The following NCKAP5 variants were observed in gnomAD, a reference collection of about 807,000 sequenced individuals.
NCKAP5 encodes nck-associated protein 5.
A neutral mutation model predicts 167.0 loss-of-function variants in NCKAP5; 92 were observed. The observed-to-expected ratio is 0.55, with a 90% CI of 0.47 to 0.66. The LOEUF (loss-of-function observed/expected upper bound fraction) is 0.66. Among genes scored for constraint, NCKAP5 ranks in the 30% least tolerant of loss-of-function variants. The pLI is 0.00. For synonymous variants in NCKAP5, 891 were observed against 877.4 expected (o/e 1.02, Z -0.27); for missense variants, 2,378 against 2,315.0 (o/e 1.03, Z -0.56).
chr2:133,515,706 C>G (rs1683923669), intron 3 of NCKAP5, among the ~76,000 whole-genome samples: 1 of 152,234 alleles, frequency 6.6e-6, no homozygotes, highest in Non-Finnish European at 1.5e-5. Context: ...TTCAAGCTAT[C>G]TTTAGGCAAA....
At chr2:132,956,540 C>T (rs4954010) in intron 8 of NCKAP5, among the ~76,000 whole-genome samples, 9,473 of 152,280 alleles carry the variant, frequency 0.062, 775 homozygotes, top group Admixed American at 0.23. Context: ...TCTCCCGCAT[C>T]ATCGATTTCG....
rs904830874 is a variant in NCKAP5 at position 133,000,915 on chromosome 2, C to G, written c.342-6676G>C. On this transcript the variant is annotated intron_variant, in intron 6 of 19. Coordinates refer to ENST00000409261, the MANE Select transcript of NCKAP5 (RefSeq NM_207363.3). ...TGTATGATTTCATTTATACAAAGTTCTAGTATAGGCAAAATTAGTCTATGG... is the reference window on the plus strand; with the variant it reads ...TGTATGATTTCATTTATACAAAGTTGTAGTATAGGCAAAATTAGTCTATGG... 9.9e-5 allele frequency among the ~76,000 whole-genome samples: 15 copies of G among 152,188 alleles called. 1 individual carries two copies. The highest frequency in any genetic ancestry group is 3.6e-4 in the African/African-American group (15 of 41,528).
chr2:133,071,438 C>T (rs964682862), intron 6 of NCKAP5, among the ~76,000 whole-genome samples: 4 of 152,162 alleles, frequency 2.6e-5, no homozygotes, highest in Admixed American at 6.5e-5. Context: ...GAGCGAGACT[C>T]CGTCTCAAAA....
intron 3 of NCKAP5, among the ~76,000 whole-genome samples, chr2:133,376,522 C>T (rs1686155687): frequency 6.6e-6 from 1 of 152,160 alleles, no homozygotes; most frequent in South Asian, 2.1e-4. Context: ...TCTTTATCAA[C>T]TTTCACTGAG....
At chr2:133,446,421 CT>C (rs1273160559) in intron 3 of NCKAP5, among the ~76,000 whole-genome samples, 5 of 152,206 alleles carry the variant, frequency 3.3e-5, no homozygotes, top group African/African-American at 1.2e-4. Context: ...TTGCTAAGCC[CT>C]TTTCGTGTAA....
intron 8 of NCKAP5, among the ~76,000 whole-genome samples, chr2:132,948,263 G>A (rs975073870): frequency 1.3e-5 from 2 of 152,120 alleles, no homozygotes; most frequent in African/African-American, 4.8e-5. Context: ...TTTATGAATG[G>A]CTGGTTAGGG....
At chr2:133,515,528 C>T (rs1424288993) in intron 3 of NCKAP5, among the ~76,000 whole-genome samples, 1 of 152,096 alleles carries the variant, frequency 6.6e-6, no homozygotes, top group Non-Finnish European at 1.5e-5. Flanking sequence ...TCAGGTGGTG[C>T]CAAACAAGTT....
chr2:133,624,379 T>G, the NCKAP5 span, among the ~76,000 whole-genome samples: 1 of 152,094 alleles, frequency 6.6e-6, no homozygotes, highest in Non-Finnish European at 1.5e-5. Context: ...TCCTCACGTC[T>G]CATCTCTTAG....
intron 2 of NCKAP5, among the ~76,000 whole-genome samples, chr2:133,555,951 G>T (rs1687710683): frequency 6.6e-6 from 1 of 152,148 alleles, no homozygotes; most frequent in Admixed American, 6.5e-5. Context: ...TGTGCATAAA[G>T]TTATAATTAA....
the NCKAP5 span, among the ~76,000 whole-genome samples, chr2:133,599,092 G>T: frequency 6.6e-6 from 1 of 152,152 alleles, no homozygotes; most frequent in African/African-American, 2.4e-5. Flanking sequence ...AGTGGATTAG[G>T]GTTCACCCTA....
intron 13 of NCKAP5, among the ~76,000 whole-genome samples, chr2:132,787,410 G>T (rs562556791): frequency 1.3e-5 from 2 of 151,712 alleles, no homozygotes; most frequent in Non-Finnish European, 2.9e-5. Flanking sequence ...AAGGCTCTGG[G>T]TTTCAGAAAT....
chr2:132,822,467 G>T (rs1443264794), intron 11 of NCKAP5, among the ~76,000 whole-genome samples: 1 of 152,168 alleles, frequency 6.6e-6, no homozygotes, highest in Non-Finnish European at 1.5e-5. Flanking sequence ...AACAGTCACT[G>T]CAGTCCAGCT....
At chr2:132,839,197 T>A (rs1406021435) in intron 11 of NCKAP5, among the ~76,000 whole-genome samples, 1 of 152,194 alleles carries the variant, frequency 6.6e-6, no homozygotes, top group Non-Finnish European at 1.5e-5. Context: ...AAAGTTTTAA[T>A]TTTTATAGAA....
intron 3 of NCKAP5, among the ~76,000 whole-genome samples, chr2:133,350,780 T>G (rs1182713475): frequency 6.6e-6 from 1 of 152,060 alleles, no homozygotes; most frequent in African/African-American, 2.4e-5. Flanking sequence ...CAGACCCCCT[T>G]TTAGTCCTCA....
chr2:133,207,904 G>A (rs2086027106), intron 5 of NCKAP5, among the ~76,000 whole-genome samples: 1 of 152,148 alleles, frequency 6.6e-6, no homozygotes, highest in Admixed American at 6.5e-5. Context: ...TATTTCCCAT[G>A]TCCATAAGTA....
At chr2:132,850,999 C>T (rs936944127) in intron 11 of NCKAP5, among the ~76,000 whole-genome samples, 9 of 152,064 alleles carry the variant, frequency 5.9e-5, no homozygotes, top group African/African-American at 2.2e-4. Flanking sequence ...AATGGCCTTC[C>T]AAATTTTTCA....
At chr2:132,695,109 C>T (rs909082377) in intron 19 of NCKAP5, among the ~76,000 whole-genome samples, 7 of 152,098 alleles carry the variant, frequency 4.6e-5, no homozygotes, top group African/African-American at 1.7e-4. Context: ...AAGAGCTCCA[C>T]CCTCATGAAA....
At chr2:133,474,767 T>G (rs1679730840) in intron 3 of NCKAP5, among the ~76,000 whole-genome samples, 1 of 151,868 alleles carries the variant, frequency 6.6e-6, no homozygotes, top group Admixed American at 6.5e-5. Context: ...TGCTAAGTCT[T>G]TGGAATTTTT....
At chr2:132,868,585 T>C (rs558007661) in intron 10 of NCKAP5, among the ~76,000 whole-genome samples, 75 of 152,290 alleles carry the variant, frequency 4.9e-4, no homozygotes, top group African/African-American at 1.7e-3. Flanking sequence ...TAGACTTTTG[T>C]TAATGCTGTC....
Sources: gnomAD v4.1 joint callset for allele counts (sites outside exome capture counted in the v4.1 genomes callset) on GRCh38, gnomAD v4.1.1 for gene constraint, MANE v1.5 for transcripts, NCBI Gene and HGNC (gene_info 2026-07-23, HGNC 2026-07-21) for gene names.